WDR25: variants seen among roughly 807,000 people sequenced by gnomAD.
WDR25 encodes WD repeat-containing protein 25.
A neutral mutation model predicts 47.7 loss-of-function variants in WDR25; 35 were observed. That is an observed-to-expected ratio of 0.73 (90% CI 0.56 to 0.97). WDR25 has a LOEUF of 0.97. WDR25 is among the 50% of genes least tolerant of loss of function. WDR25 has a pLI of 0.00. For synonymous variants in WDR25, 248 were observed against 278.9 expected (o/e 0.89, Z 1.10); for missense variants, 634 against 704.7 (o/e 0.90, Z 1.14).
chr14:100,409,418 A>ACCCCCCCCCCCCCCCCCCC (rs200345863), intron 2 of WDR25, among the ~76,000 whole-genome samples: 1 of 146,298 alleles, frequency 6.8e-6, no homozygotes, highest in Non-Finnish European at 1.5e-5. Context: ...CATGCAGAGG[A>ACCCCCCCCCCCCCCCCCCC]CCCCCCCCCA....
Position 100,468,141 on chromosome 14 carries a change from G to C in WDR25, c.943G>C (p.Ala315Pro). Residue 315 changes from alanine (A) to proline (P), a missense_variant, in exon 3 of 7, where the codon GCG becomes CCG. Physicochemically the swap from Ala to Pro is conservative, Grantham distance 27 (BLOSUM62 -1). Transcript: ENST00000402312. The surrounding 1 kb of genome is among the most constrained non-coding windows in gnomAD (Gnocchi z 4.5). ...CATCCTCAGTGGTGGCTTTGACTTC[G>C]CGCTGCACCTAACAGACCTTGAAAC... ...RRILSGGFDF[A>P]LHLTDLETGT... 3 of 1,613,470 alleles carry C rather than the reference G, an allele frequency of 1.9e-6. No individual in the cohort carries two copies. Among genetic ancestry groups the C allele is most frequent in the Non-Finnish European group, 2.5e-6 (3 of 1,179,998 alleles).
intron 4 of WDR25, among the ~76,000 whole-genome samples, chr14:100,515,796 T>A (rs970310159): frequency 7.9e-4 from 114 of 144,556 alleles, no homozygotes; most frequent in African/African-American, 3.0e-3. Flanking sequence ...TTGCTTTTTT[T>A]TTTTTTTTTT....
chr14:100,511,167 A>T (rs1346871256), intron 4 of WDR25, among the ~76,000 whole-genome samples: 1 of 152,192 alleles, frequency 6.6e-6, no homozygotes, highest in African/African-American at 2.4e-5. Flanking sequence ...CCATAAGCAT[A>T]GTATACTTCT....
intron 4 of WDR25, among the ~76,000 whole-genome samples, chr14:100,485,265 C>T (rs958206311): frequency 1.3e-5 from 2 of 152,160 alleles, no homozygotes; most frequent in African/African-American, 2.4e-5. Context: ...TCCGCTAGTC[C>T]CCTCTGCTAT....
intron 2 of WDR25, among the ~76,000 whole-genome samples, chr14:100,451,070 A>C (rs1242235962): frequency 6.6e-6 from 1 of 152,138 alleles, no homozygotes; most frequent in Non-Finnish European, 1.5e-5. Flanking sequence ...ATTTTCCAAG[A>C]GTGAAAAAAG....
chr14:100,516,954 G>C (rs1901518254), intron 4 of WDR25, among the ~76,000 whole-genome samples: 1 of 149,732 alleles, frequency 6.7e-6, no homozygotes, highest in African/African-American at 2.5e-5. Context: ...TAAAGGAGAT[G>C]GGATCTCACT....
At chr14:100,443,955 C>T (rs1898748076) in intron 2 of WDR25, among the ~76,000 whole-genome samples, 1 of 152,160 alleles carries the variant, frequency 6.6e-6, no homozygotes, top group Non-Finnish European at 1.5e-5. Flanking sequence ...TGTTTTGCGG[C>T]TTAGGATCTT....
intron 2 of WDR25, among the ~76,000 whole-genome samples, chr14:100,403,847 T>C (rs1052716841): frequency 7.9e-5 from 12 of 152,160 alleles, no homozygotes; most frequent in Non-Finnish European, 1.5e-4. Flanking sequence ...ATCGAGATGA[T>C]TGCAGTGATC....
At position 100,506,141 on chromosome 14, in the gene WDR25, A is replaced by G. The variant is rs1901101849; in HGVS notation, c.1102-19729A>G. On this transcript the variant is annotated intron_variant, in intron 4 of 6. Coordinates refer to ENST00000402312, the MANE Select transcript of WDR25 (RefSeq NM_001161476.3). The surrounding 1 kb of genome is among the most constrained non-coding windows in gnomAD (Gnocchi z 4.8). ...CACAAGTACCCAAAGTTTAGCTTCC[A>G]CTTATAAGTGAAAACATGGAGTATT... Among the ~76,000 whole-genome samples the G allele has an allele frequency of 6.6e-6, 1 of 152,128 alleles. No homozygotes were observed. Among genetic ancestry groups the G allele is most frequent in the Admixed American group, 6.5e-5 (1 of 15,270 alleles).
chr14:100,477,263 T>TA (rs1448994357), intron 3 of WDR25, among the ~76,000 whole-genome samples: 1 of 152,242 alleles, frequency 6.6e-6, no homozygotes, highest in Non-Finnish European at 1.5e-5. Flanking sequence ...CATTGTGTTT[T>TA]AAACTTGTTT....
At chr14:100,517,984 A>T (rs1217239628) in intron 4 of WDR25, among the ~76,000 whole-genome samples, 1 of 152,198 alleles carries the variant, frequency 6.6e-6, no homozygotes. Context: ...AATGCTATAT[A>T]TTTTTTTCAA....
intron 2 of WDR25, among the ~76,000 whole-genome samples, chr14:100,410,259 A>G (rs1897668040): frequency 6.6e-6 from 1 of 152,138 alleles, no homozygotes; most frequent in Non-Finnish European, 1.5e-5. Flanking sequence ...TGAGGTTTTT[A>G]CATATGCTCT....
intron 2 of WDR25, among the ~76,000 whole-genome samples, chr14:100,398,911 C>G (rs910272427): frequency 4.7e-5 from 7 of 150,488 alleles, no homozygotes; most frequent in Non-Finnish European, 8.8e-5. Flanking sequence ...CAGTTAAGCT[C>G]GTACTGGATG....
At chr14:100,484,879 T>G (rs1312362954) in intron 4 of WDR25, among the ~76,000 whole-genome samples, 2 of 152,208 alleles carry the variant, frequency 1.3e-5, no homozygotes, top group African/African-American at 4.8e-5. Flanking sequence ...CCCTTGCCCC[T>G]TGGAGGCTGT....
intron 2 of WDR25, among the ~76,000 whole-genome samples, chr14:100,465,055 C>T (rs1899580394): frequency 6.6e-6 from 1 of 152,018 alleles, no homozygotes; most frequent in South Asian, 2.1e-4. Context: ...TAGCTTTTCC[C>T]TCTAGCCCTG....
In WDR25 at chr14:100,428,283, C is replaced by T. The variant is rs1469453222; in HGVS notation, c.823-39738C>T. ...CTCTGCCTACAGGCAGTGAGTGTGGCCTGGGAGGCAGGTGGCCCTGTGGGG... is the reference window on the plus strand; with the variant it reads ...CTCTGCCTACAGGCAGTGAGTGTGGTCTGGGAGGCAGGTGGCCCTGTGGGG... On this transcript the variant is annotated intron_variant, in intron 2 of 6. Coordinates refer to ENST00000402312, the MANE Select transcript of WDR25 (RefSeq NM_001161476.3). The surrounding 1 kb of genome is among the most constrained non-coding windows in gnomAD (Gnocchi z 4.3). Among the ~76,000 whole-genome samples, 1 of 152,170 alleles carries T rather than the reference C, an allele frequency of 6.6e-6. No homozygotes were observed. Among genetic ancestry groups the T allele is most frequent in the Non-Finnish European group, 1.5e-5 (1 of 68,028 alleles).
intron 4 of WDR25, among the ~76,000 whole-genome samples, chr14:100,492,781 CT>C (rs1242177423): frequency 2.0e-5 from 3 of 152,036 alleles, no homozygotes; most frequent in Non-Finnish European, 4.4e-5. Context: ...GGCTTGATGC[CT>C]TAGTTATTTT....
intron 2 of WDR25, among the ~76,000 whole-genome samples, chr14:100,447,239 T>C (rs150028701): frequency 6.6e-6 from 1 of 152,368 alleles, no homozygotes; most frequent in Non-Finnish European, 1.5e-5. Context: ...GCTGTTCCAT[T>C]TGTCCTTAGG....
At chr14:100,378,706 C>T (rs1896794263) in intron 1 of WDR25, among the ~76,000 whole-genome samples, 1 of 25,430 alleles carries the variant, frequency 3.9e-5, no homozygotes, top group Non-Finnish European at 2.2e-4. Flanking sequence ...CGCCTGTAAT[C>T]CCAGCACTTT....
Sources: allele counts gnomAD v4.1 joint callset (sites outside exome capture counted in the v4.1 genomes callset), GRCh38; gene constraint gnomAD v4.1.1; non-coding constraint Gnocchi (gnomAD v3.1); transcripts MANE v1.5; gene names NCBI Gene and HGNC (gene_info 2026-07-23, HGNC 2026-07-21).